LNX1: variants seen among roughly 807,000 people sequenced by gnomAD.
The protein encoded by LNX1 is ligand of numb-protein X 1.
Under a neutral mutation model 68.4 loss-of-function variants are expected in LNX1, and 54 were observed. The observed-to-expected ratio is 0.79, with a 90% CI of 0.63 to 0.99. The LOEUF (loss-of-function observed/expected upper bound fraction) is 0.99, where lower values mean the gene tolerates loss of function less well. Ranked by LOEUF, LNX1 falls within the 50% of genes least tolerant of loss-of-function variation. The pLI is 0.00. For missense variants in LNX1, 906 were observed against 926.4 expected (o/e 0.98, Z 0.29); for synonymous variants, 336 against 350.0 (o/e 0.96, Z 0.45).
chr4:53,576,186 G>C lies in LNX1; in HGVS notation c.-86-2098C>G, dbSNP rs1731478988. On this transcript the variant is annotated intron_variant, in intron 1 of 10. Transcript: ENST00000263925. ...CCCATGTTGCTGACTTTCAGTGGTGGGTGGATGTGACAATCTCCACCAGTG... is the reference window on the plus strand; with the variant it reads ...CCCATGTTGCTGACTTTCAGTGGTGCGTGGATGTGACAATCTCCACCAGTG... 3 of 1,581,962 alleles carry C rather than the reference G, an allele frequency of 1.9e-6. No individual in the cohort carries two copies. The African/African-American group carries it at 4.0e-5, about 21-fold the overall frequency.
intron 9 of LNX1, among the ~76,000 whole-genome samples, chr4:53,466,561 A>G (rs2150560959): frequency 6.6e-6 from 1 of 152,320 alleles, no homozygotes; most frequent in Non-Finnish European, 1.5e-5. Context: ...CGGGAAGCAC[A>G]AGGGATCAGG....
intron 1 of LNX1, among the ~76,000 whole-genome samples, chr4:53,589,766 G>A (rs1164334049): frequency 6.6e-6 from 1 of 152,208 alleles, no homozygotes; most frequent in East Asian, 1.9e-4. Flanking sequence ...CAGGACTTGT[G>A]TGTAAATTAC....
intron 9 of LNX1, among the ~76,000 whole-genome samples, chr4:53,467,868 G>A (rs1273204186): frequency 1.3e-5 from 2 of 152,210 alleles, no homozygotes; most frequent in Non-Finnish European, 2.9e-5. Flanking sequence ...TGTCTGATTG[G>A]TGTACCTGAA....
At chr4:53,628,043 T>C (rs1734140658) in intron 1 of LNX1, among the ~76,000 whole-genome samples, 1 of 152,232 alleles carries the variant, frequency 6.6e-6, no homozygotes. Flanking sequence ...AAGGCATTTT[T>C]CTTTAGTGCC....
rs1262107205 is a variant in LNX1 at position 53,488,087 on chromosome 4, C to T, written c.1351-6233G>A. Among the ~76,000 whole-genome samples, 5 of 152,334 alleles carry T rather than the reference C, an allele frequency of 3.3e-5. No individual in the cohort carries two copies. In the East Asian group the frequency reaches 5.8e-4, roughly 18 times the overall value. On this transcript the variant is annotated intron_variant, in intron 6 of 10. Coordinates refer to ENST00000263925, the MANE Select transcript of LNX1 (RefSeq NM_001126328.3). ...ACACACAAGAAATGTCAGACATCATCTCATCCAACATTTTCTCTATAGCCT... is the reference window on the plus strand; with the variant it reads ...ACACACAAGAAATGTCAGACATCATTTCATCCAACATTTTCTCTATAGCCT...
At chr4:53,547,492 G>A (rs183471956) in intron 2 of LNX1, among the ~76,000 whole-genome samples, 9 of 152,320 alleles carry the variant, frequency 5.9e-5, no homozygotes, top group Non-Finnish European at 8.8e-5. Flanking sequence ...CAGAGCATGT[G>A]CCTTGAATCA....
chr4:53,621,692 T>C (rs1187110247), upstream of LNX1, among the ~76,000 whole-genome samples: 2 of 152,200 alleles, frequency 1.3e-5, no homozygotes, highest in Non-Finnish European at 2.9e-5. Context: ...GAAGTGGCTA[T>C]GGGTCAAAAT....
rs1452595049 is a variant in LNX1, at chr4:53,469,041, TTTCCAGCACCACACCACACCTA to T, written c.1893-7470_1893-7449del. Among the ~76,000 whole-genome samples, 22 of 152,334 alleles carry T rather than the reference TTTCCAGCACCACACCACACCTA, an allele frequency of 1.4e-4. No individual in the cohort carries two copies. The East Asian group carries it at 4.0e-3, about 28-fold the overall frequency. On this transcript the variant is annotated intron_variant, in intron 9 of 10. Transcript: ENST00000263925. The stretch of plus-strand genomic sequence containing the variant: ...CCCTAAATCAACAGAATATACATTC[TTTCCAGCACCACACCACACCTA>T]TTCCATAACTGACCACATAGTTGGA...
chr4:53,491,795 T>C (rs1228239830), intron 6 of LNX1, among the ~76,000 whole-genome samples: 2 of 82,272 alleles, frequency 2.4e-5, no homozygotes, highest in Admixed American at 3.4e-4. Context: ...TACGATACTT[T>C]TTTTTGTTTG....
upstream of LNX1, among the ~76,000 whole-genome samples, chr4:53,595,776 C>T (rs2048511): frequency 0.14 from 21,643 of 152,154 alleles, 1,593 homozygotes; most frequent in East Asian, 0.24. Flanking sequence ...CCCCATGAAG[C>T]TTGGCGTTCT....
intron 2 of LNX1, among the ~76,000 whole-genome samples, chr4:53,516,096 G>T (rs1170369025): frequency 6.6e-6 from 1 of 152,122 alleles, no homozygotes; most frequent in Non-Finnish European, 1.5e-5. Context: ...TAAAAAATTA[G>T]CTGGGCATGA....
chr4:53,498,959 G>C (rs1436255073), intron 4 of LNX1, 116 bp from the exon 5 acceptor site: 2 of 759,282 alleles, frequency 2.6e-6, no homozygotes, highest in Non-Finnish European at 2.2e-6. Context: ...CCTCATACAT[G>C]TTTTCCATTT....
intron 2 of LNX1, among the ~76,000 whole-genome samples, chr4:53,545,639 C>T (rs1273729768): frequency 6.6e-6 from 1 of 152,126 alleles, no homozygotes; most frequent in Non-Finnish European, 1.5e-5. Flanking sequence ...TTCCAGGCAT[C>T]TAATGCTTCC....
intron 2 of LNX1, among the ~76,000 whole-genome samples, chr4:53,546,933 CCT>C (rs1729154756): frequency 6.6e-6 from 1 of 152,158 alleles, no homozygotes; most frequent in Non-Finnish European, 1.5e-5. Context: ...GTAGCTCAGG[CCT>C]CTCTCCATGG....
intron 2 of LNX1, among the ~76,000 whole-genome samples, chr4:53,572,345 C>T (rs1297707122): frequency 6.6e-6 from 1 of 152,144 alleles, no homozygotes; most frequent in Non-Finnish European, 1.5e-5. Flanking sequence ...ACAGCTGCAA[C>T]CCAAAAACCT....
At chr4:53,518,694 T>C (rs527961390) in intron 2 of LNX1, among the ~76,000 whole-genome samples, 2 of 152,150 alleles carry the variant, frequency 1.3e-5, no homozygotes, top group East Asian at 3.9e-4. Context: ...AGCTGGTAAG[T>C]GGAAGGGCTA....
At chr4:53,477,204 C>T (rs1036979735) in intron 8 of LNX1, among the ~76,000 whole-genome samples, 3 of 152,068 alleles carry the variant, frequency 2.0e-5, no homozygotes, top group African/African-American at 7.2e-5. Context: ...GCACAGCTAT[C>T]GGTGTTTTAC....
At chr4:53,516,232 A>G (rs968858939) in intron 2 of LNX1, among the ~76,000 whole-genome samples, 12 of 152,026 alleles carry the variant, frequency 7.9e-5, no homozygotes, top group Non-Finnish European at 1.3e-4. Context: ...ACAGAGCAAC[A>G]CCCTATCTAT....
chr4:53,570,570 C>T (rs186896183), intron 2 of LNX1, among the ~76,000 whole-genome samples: 83 of 150,402 alleles, frequency 5.5e-4, no homozygotes, highest in African/African-American at 1.6e-3. Flanking sequence ...TGCTAAATGA[C>T]GAGTTAGTGG....
Sources: allele counts gnomAD v4.1 joint callset (sites outside exome capture counted in the v4.1 genomes callset), GRCh38; gene constraint gnomAD v4.1.1; transcripts MANE v1.5; gene names NCBI Gene and HGNC (gene_info 2026-07-23, HGNC 2026-07-21).